NAALADL2: variants seen among roughly 807,000 people sequenced by gnomAD.
NAALADL2 encodes N-acetylated alpha-linked acidic dipeptidase like 2.
Under a neutral mutation model 87.2 loss-of-function variants are expected in NAALADL2, and 76 were observed. That is an observed-to-expected ratio of 0.87 (90% CI 0.72 to 1.05). The LOEUF is 1.05. Ranked by LOEUF, NAALADL2 falls within the 50% of genes least tolerant of loss-of-function variation. NAALADL2 has a pLI of 0.00. For missense variants in NAALADL2, 1,089 were observed against 945.8 expected (o/e 1.15, Z -1.99); for synonymous variants, 354 against 331.0 (o/e 1.07, Z -0.75).
intron 3 of NAALADL2, among the ~76,000 whole-genome samples, chr3:174,815,143 G>A (rs1026320046): frequency 1.3e-5 from 2 of 151,352 alleles, no homozygotes; most frequent in African/African-American, 4.9e-5. Flanking sequence ...AGAAGTAAGT[G>A]GTCATTTGTT....
At chr3:174,765,891 A>G (rs1012256930) in intron 3 of NAALADL2, among the ~76,000 whole-genome samples, 2 of 152,218 alleles carry the variant, frequency 1.3e-5, no homozygotes, top group Admixed American at 6.5e-5. Context: ...AAGAAAGTCC[A>G]CTTAGTACTG....
At chr3:175,718,548 C>A in intron 11 of NAALADL2, 1 of 1,592,262 alleles carries the variant, frequency 6.3e-7, no homozygotes, top group Non-Finnish European at 8.6e-7. Context: ...GTCATGTCTT[C>A]GTCATCTTCT....
At chr3:175,080,762 G>A (rs1717642113) in intron 1 of NAALADL2, among the ~76,000 whole-genome samples, 1 of 152,134 alleles carries the variant, frequency 6.6e-6, no homozygotes, top group South Asian at 2.1e-4. Flanking sequence ...GACTAATTTG[G>A]TCCAGTGCCT....
intron 1 of NAALADL2, among the ~76,000 whole-genome samples, chr3:175,014,975 A>G (rs1466811551): frequency 2.0e-5 from 3 of 151,966 alleles, no homozygotes; most frequent in Admixed American, 6.6e-5. Flanking sequence ...ACTACTTTTT[A>G]TGGCTTTATT....
intron 1 of NAALADL2, among the ~76,000 whole-genome samples, chr3:175,026,783 A>G (rs1752282859): frequency 1.3e-5 from 2 of 152,164 alleles, no homozygotes; most frequent in South Asian, 4.1e-4. Flanking sequence ...CAATGCCTTC[A>G]GATCCAAGGC....
chr3:175,765,125 C>T (rs926347947), intron 13 of NAALADL2, among the ~76,000 whole-genome samples: 2 of 151,876 alleles, frequency 1.3e-5, no homozygotes, highest in Admixed American at 6.6e-5. Flanking sequence ...TAATAGCGAC[C>T]ACTTGCACAA....
chr3:175,286,242 G>C (rs1418360227), intron 4 of NAALADL2, among the ~76,000 whole-genome samples: 3 of 152,184 alleles, frequency 2.0e-5, no homozygotes, highest in Non-Finnish European at 2.9e-5. Flanking sequence ...ATTCAGACCA[G>C]AGGGAAAAAT....
At position 175,236,565 on chromosome 3, in the gene NAALADL2, A is replaced by AG. The variant is rs1369241548; in HGVS notation, c.819+2361_819+2362insG. ...CTCCTTCTCAAAAAAAAAAAAAAAA[A>AG]AAGAAGAAAAAGCGGGGGTGGGTAT... On this transcript the variant is annotated intron_variant, in intron 3 of 13. Transcript: ENST00000454872. 3.5e-4 allele frequency among the ~76,000 whole-genome samples: 51 copies of AG among 147,732 alleles called. 2 individuals carry two copies. The highest frequency in any genetic ancestry group is 4.0e-4 in the Admixed American group (6 of 14,818).
intron 2 of NAALADL2, among the ~76,000 whole-genome samples, chr3:175,213,832 G>C (rs1057297010): frequency 6.6e-6 from 1 of 152,020 alleles, no homozygotes; most frequent in East Asian, 1.9e-4. Context: ...ATTTGAACAC[G>C]ATTTGTCTCC....
At chr3:174,793,242 T>A (rs1283511806) in intron 3 of NAALADL2, among the ~76,000 whole-genome samples, 2 of 152,150 alleles carry the variant, frequency 1.3e-5, no homozygotes, top group African/African-American at 4.8e-5. Context: ...TGTTTTATAT[T>A]GTTAAATACT....
chr3:175,145,556 T>C (rs1730626021), intron 2 of NAALADL2, among the ~76,000 whole-genome samples: 1 of 152,016 alleles, frequency 6.6e-6, no homozygotes, highest in South Asian at 2.1e-4. Context: ...AGCCTAGATT[T>C]ATGAATTTGG....
chr3:175,318,363 T>A (rs986585376), intron 4 of NAALADL2, among the ~76,000 whole-genome samples: 6 of 151,762 alleles, frequency 4.0e-5, no homozygotes, highest in African/African-American at 1.5e-4. Flanking sequence ...ACAGAAAAAA[T>A]GATGGAACTT....
intron 2 of NAALADL2, among the ~76,000 whole-genome samples, chr3:174,737,325 C>A (rs1179212119): frequency 6.6e-6 from 1 of 152,198 alleles, no homozygotes; most frequent in African/African-American, 2.4e-5. Context: ...TTATGTTTAG[C>A]AGTGTGTGGC....
intron 5 of NAALADL2, among the ~76,000 whole-genome samples, chr3:175,366,824 T>G (rs550872020): frequency 1.3e-5 from 2 of 151,528 alleles, no homozygotes; most frequent in South Asian, 2.1e-4. Flanking sequence ...GTTCACTCTG[T>G]TGGTAGTTTC....
At chr3:174,652,602 GA>G (rs1264505070) in intron 2 of NAALADL2, among the ~76,000 whole-genome samples, 1 of 152,004 alleles carries the variant, frequency 6.6e-6, no homozygotes, top group Non-Finnish European at 1.5e-5. Flanking sequence ...AACAGTATGG[GA>G]AAAACCCGCT....
At chr3:175,732,303 C>A (rs1261371812) in intron 11 of NAALADL2, among the ~76,000 whole-genome samples, 1 of 152,078 alleles carries the variant, frequency 6.6e-6, no homozygotes, top group African/African-American at 2.4e-5. Flanking sequence ...ACTCAATGGA[C>A]TATAGAAACA....
chr3:175,069,159 A>G (rs1196673293), intron 1 of NAALADL2, among the ~76,000 whole-genome samples: 2 of 150,408 alleles, frequency 1.3e-5, no homozygotes, highest in Non-Finnish European at 2.9e-5. Context: ...AAATTGACAA[A>G]TGGGATCTAA....
intron 9 of NAALADL2, among the ~76,000 whole-genome samples, chr3:175,493,446 T>A (rs1178222656): frequency 6.6e-6 from 1 of 152,114 alleles, no homozygotes; most frequent in East Asian, 1.9e-4. Flanking sequence ...AACATTCATC[T>A]CTTACACATG....
intron 9 of NAALADL2, among the ~76,000 whole-genome samples, chr3:175,531,882 G>A (rs1174136095): frequency 2.0e-5 from 3 of 152,198 alleles, no homozygotes. Flanking sequence ...GGGCTGTGGT[G>A]GGAATCACCA....
Sources: gnomAD v4.1 joint callset for allele counts (sites outside exome capture counted in the v4.1 genomes callset) on GRCh38, gnomAD v4.1.1 for gene constraint, MANE v1.5 for transcripts, NCBI Gene and HGNC (gene_info 2026-07-23, HGNC 2026-07-21) for gene names.